SMYD3: variants seen among roughly 807,000 people sequenced by gnomAD.
SMYD3 encodes histone-lysine N-methyltransferase SMYD3.
In SMYD3, 36 loss-of-function variants were observed where a neutral mutation model predicts 57.7. The ratio of observed to expected loss-of-function variants is 0.62; its 90% confidence interval spans 0.48 to 0.82. The LOEUF (loss-of-function observed/expected upper bound fraction) is 0.82, where lower values mean the gene tolerates loss of function less well. Among genes scored for constraint, SMYD3 ranks in the 40% least tolerant of loss-of-function variants. SMYD3 has a pLI of 0.00. For synonymous variants in SMYD3, 211 were observed against 195.0 expected (o/e 1.08, Z -0.68); for missense variants, 515 against 538.8 (o/e 0.96, Z 0.44).
intron 5 of SMYD3, among the ~76,000 whole-genome samples, chr1:246,168,091 C>T (rs2062253093): frequency 6.6e-6 from 1 of 152,170 alleles, no homozygotes; most frequent in South Asian, 2.1e-4. Flanking sequence ...AACTTAGTCA[C>T]TATGAGACCT....
In SMYD3 at chr1:246,450,303, A is replaced by G. The variant is rs1351402800; in HGVS notation, c.164+56751T>C. Among the ~76,000 whole-genome samples, 9 of 152,068 alleles carry G rather than the reference A, an allele frequency of 5.9e-5. No homozygotes were observed. In the South Asian group the frequency reaches 1.9e-3, roughly 32 times the overall value. ...CGAAACTCTATCTCAAAAAAAAAAA[A>G]CTCATCAACAGAACTATAGGGACAT... On this transcript the variant is annotated intron_variant, in intron 1 of 11. Coordinates refer to ENST00000490107, the MANE Select transcript of SMYD3 (RefSeq NM_001167740.2).
intron 1 of SMYD3, among the ~76,000 whole-genome samples, chr1:246,462,204 GCGGGGCC>G (rs1192979865): frequency 3.3e-5 from 3 of 91,680 alleles, no homozygotes; most frequent in Non-Finnish European, 2.3e-5. Context: ...GCATCCTCCC[GCGGGGCC>G]TGCTGGGTAC....
At chr1:246,186,665 T>C (rs920288284) in intron 5 of SMYD3, 2 of 822,406 alleles carry the variant, frequency 2.4e-6, no homozygotes, top group African/African-American at 1.8e-5. Context: ...TAAGAGACAA[T>C]GAAAACTTGA....
At chr1:245,806,803 G>C (rs560507904) in intron 10 of SMYD3, among the ~76,000 whole-genome samples, 3 of 150,964 alleles carry the variant, frequency 2.0e-5, no homozygotes, top group Admixed American at 6.6e-5. Context: ...CCAGCTACTC[G>C]GGAGGCTGAG....
chr1:246,442,682 G>A (rs1481695519), intron 1 of SMYD3, among the ~76,000 whole-genome samples: 1 of 152,132 alleles, frequency 6.6e-6, no homozygotes, highest in Non-Finnish European at 1.5e-5. Context: ...ACCAGTTGGA[G>A]GTTAAGTTTA....
intron 1 of SMYD3, among the ~76,000 whole-genome samples, chr1:246,468,021 C>T (rs1481655509): frequency 6.6e-6 from 1 of 151,428 alleles, no homozygotes; most frequent in African/African-American, 2.4e-5. Flanking sequence ...ATTAGGCGGG[C>T]GTGGTGGCAC....
rs111240178 is a variant in SMYD3 at position 245,836,705 on chromosome 1, C to T, written c.1076+21791G>A. ...GGAAGTAGAACTCAGAGAGCACTCACTGGCAGCAGGGGACTGGTCCTACAC... is the reference window on the plus strand; with the variant it reads ...GGAAGTAGAACTCAGAGAGCACTCATTGGCAGCAGGGGACTGGTCCTACAC... On this transcript the variant is annotated intron_variant, in intron 10 of 11. Coordinates refer to ENST00000490107, the MANE Select transcript of SMYD3 (RefSeq NM_001167740.2). Among the ~76,000 whole-genome samples, 32 of 152,340 alleles carry T rather than the reference C, an allele frequency of 2.1e-4. 2 individuals are homozygous for T. Among genetic ancestry groups the T allele is most frequent in the African/African-American group, 7.5e-4 (31 of 41,568 alleles).
At chr1:245,970,446 C>A (rs183148809) in intron 5 of SMYD3, among the ~76,000 whole-genome samples, 2 of 152,066 alleles carry the variant, frequency 1.3e-5, no homozygotes, top group South Asian at 2.1e-4. Flanking sequence ...GCAACAAAAG[C>A]CAAAATTGAC....
In SMYD3 at chr1:246,441,903, C is replaced by T. The variant is rs563835850; in HGVS notation, c.164+65151G>A. On this transcript the variant is annotated intron_variant, in intron 1 of 11. Transcript: ENST00000490107. The stretch of plus-strand genomic sequence containing the variant: ...CTGGGACTACAGGCGTGAACTTACG[C>T]GCCCCACCTTCTTTCTCTTTACTAT... Among the ~76,000 whole-genome samples the T allele has an allele frequency of 5.3e-5, 8 of 152,336 alleles. No individual in the cohort carries two copies. In the South Asian group the frequency reaches 1.0e-3, roughly 20 times the overall value.
At chr1:245,984,175 T>C (rs867008818) in intron 5 of SMYD3, among the ~76,000 whole-genome samples, 11 of 151,954 alleles carry the variant, frequency 7.2e-5, no homozygotes, top group African/African-American at 2.4e-4. Context: ...AATTTTTGCA[T>C]TTTTAGAAAC....
intron 5 of SMYD3, among the ~76,000 whole-genome samples, chr1:246,261,214 A>G (rs145411078): frequency 0.015 from 2,261 of 151,970 alleles, 40 homozygotes; most frequent in African/African-American, 0.035. Context: ...GCCCGCCACC[A>G]CGCCTGGCTA....
chr1:245,957,188 T>C (rs761616860), intron 5 of SMYD3, among the ~76,000 whole-genome samples: 2 of 152,214 alleles, frequency 1.3e-5, no homozygotes, highest in African/African-American at 2.4e-5. Context: ...ACAGATAAGA[T>C]TTTCCATGAA....
At chr1:245,890,691 T>A (rs1165386513) in intron 8 of SMYD3, among the ~76,000 whole-genome samples, 1 of 152,188 alleles carries the variant, frequency 6.6e-6, no homozygotes, top group Non-Finnish European at 1.5e-5. Flanking sequence ...AAAATAGAAC[T>A]ACCATTGATC....
intron 8 of SMYD3, among the ~76,000 whole-genome samples, chr1:245,914,687 G>A (rs1300669027): frequency 6.6e-6 from 1 of 152,190 alleles, no homozygotes; most frequent in African/African-American, 2.4e-5. Context: ...CAGCACTGTA[G>A]GGGGATATGG....
chr1:246,042,273 T>A (rs1174005049), intron 5 of SMYD3, among the ~76,000 whole-genome samples: 1 of 152,140 alleles, frequency 6.6e-6, no homozygotes, highest in Non-Finnish European at 1.5e-5. Flanking sequence ...CACAGATATA[T>A]ACTAAATATT....
At chr1:245,852,042 A>G (rs2051000428) in intron 10 of SMYD3, among the ~76,000 whole-genome samples, 1 of 152,230 alleles carries the variant, frequency 6.6e-6, no homozygotes, top group Non-Finnish European at 1.5e-5. Flanking sequence ...GGAAATAGGC[A>G]AGCTGGATGA....
chr1:246,425,647 A>G (rs549325721), intron 1 of SMYD3, among the ~76,000 whole-genome samples: 5 of 152,288 alleles, frequency 3.3e-5, no homozygotes, highest in African/African-American at 9.6e-5. Context: ...AAAGTACCCA[A>G]TGGGATTGAG....
At chr1:245,843,052 T>G (rs780299883) in intron 10 of SMYD3, among the ~76,000 whole-genome samples, 3 of 152,164 alleles carry the variant, frequency 2.0e-5, no homozygotes, top group Non-Finnish European at 4.4e-5. Flanking sequence ...AATAGAAAAT[T>G]CATGGGTGGG....
chr1:245,904,145 G>A (rs1341226873), intron 8 of SMYD3, among the ~76,000 whole-genome samples: 5 of 152,150 alleles, frequency 3.3e-5, no homozygotes, highest in Non-Finnish European at 7.3e-5. Flanking sequence ...ATTCTCACAG[G>A]TCAAGGGAAG....
Sources: allele counts gnomAD v4.1 joint callset (sites outside exome capture counted in the v4.1 genomes callset), GRCh38; gene constraint gnomAD v4.1.1; transcripts MANE v1.5; gene names NCBI Gene and HGNC (gene_info 2026-07-23, HGNC 2026-07-21).